ADAM22: variants seen among roughly 807,000 people sequenced by gnomAD.
The protein encoded by ADAM22 is disintegrin and metalloproteinase domain-containing protein 22.
In ADAM22, 65 loss-of-function variants were observed where a neutral mutation model predicts 144.6. The observed-to-expected ratio is 0.45, with a 90% CI of 0.37 to 0.55. The LOEUF (loss-of-function observed/expected upper bound fraction) is 0.55. ADAM22 is among the 20% of genes least tolerant of loss of function. The pLI is 0.00. For synonymous variants in ADAM22, 391 were observed against 412.6 expected, an observed-to-expected ratio of 0.95 and a Z score of 0.63; for missense variants, 974 against 1,184.9, an observed-to-expected ratio of 0.82 and a Z score of 2.61.
At position 88,170,229 on chromosome 7, in the gene ADAM22, A is replaced by T. The variant is rs532830433; in HGVS notation, c.2283-1315A>T. Among the ~76,000 whole-genome samples, 8 of 152,176 alleles carry T rather than the reference A, an allele frequency of 5.3e-5. 1 individual carries two copies. In the South Asian group the frequency reaches 1.4e-3, roughly 28 times the overall value. On this transcript the variant is annotated intron_variant, in intron 25 of 31. Coordinates refer to ENST00000413139, the MANE Select transcript of ADAM22 (RefSeq NM_001324418.2). ...TCTTCTTTATAAATAACTAGCCCAA[A>T]TAGCTAAAGTTTTAATGTTTCTAAA...
intron 2 of ADAM22, among the ~76,000 whole-genome samples, chr7:87,959,101 G>A (rs1847464765): frequency 6.6e-6 from 1 of 151,520 alleles, no homozygotes; most frequent in Non-Finnish European, 1.5e-5. Flanking sequence ...AATCTCAAAT[G>A]TAGTTTTTTT....
At chr7:87,948,024 A>G (rs1401804230) in intron 2 of ADAM22, among the ~76,000 whole-genome samples, 1 of 152,008 alleles carries the variant, frequency 6.6e-6, no homozygotes, top group Admixed American at 6.6e-5. Context: ...TTTTCCCTGG[A>G]CAATTGTTTC....
At chr7:88,180,413 A>G (rs995030529) in intron 27 of ADAM22, among the ~76,000 whole-genome samples, 2 of 152,080 alleles carry the variant, frequency 1.3e-5, no homozygotes, top group Admixed American at 1.3e-4. Flanking sequence ...TGTACAAAAT[A>G]TGAGTCATTC....
At chr7:88,078,205 T>C (rs1199251573) in intron 4 of ADAM22, among the ~76,000 whole-genome samples, 1 of 152,172 alleles carries the variant, frequency 6.6e-6, no homozygotes, top group Non-Finnish European at 1.5e-5. Flanking sequence ...ATATCCACTT[T>C]TCTGCAGCCA....
chr7:87,975,158 T>C (rs1264239458), intron 2 of ADAM22, among the ~76,000 whole-genome samples: 2 of 152,202 alleles, frequency 1.3e-5, no homozygotes, highest in Non-Finnish European at 2.9e-5. Context: ...TGTTGTTACC[T>C]GGATATTACC....
chr7:88,163,328 T>A, intron 23 of ADAM22, 148 bp downstream of exon 23: 1 of 619,404 alleles, frequency 1.6e-6, no homozygotes, highest in Non-Finnish European at 2.5e-6. Flanking sequence ...TTATAGTTAT[T>A]TGAATATTTC....
At position 88,113,703 on chromosome 7, in the gene ADAM22, A is replaced by AATAAATAAATAAAT. The variant is rs1554478726; in HGVS notation, c.474-878_474-877insAATAAATAAATATA. Among the ~76,000 whole-genome samples, 93 of 48,088 alleles carry AATAAATAAATAAAT rather than the reference A, an allele frequency of 1.9e-3. 2 individuals are homozygous for AATAAATAAATAAAT. The highest frequency in any genetic ancestry group is 0.014 in the East Asian group (10 of 714). The allele number at this position is 48,088 out of a possible 152,430, so 31.5% of individuals were successfully genotyped here. A position where few individuals can be genotyped will look rare whatever the true frequency, so the allele number is the denominator to read the frequency against. On this transcript the variant is annotated intron_variant, in intron 5 of 31. Coordinates refer to ENST00000413139, the MANE Select transcript of ADAM22 (RefSeq NM_001324418.2). Reference sequence around the variant, plus strand: ...TATATATATTATAAATAAATAAATAAATATATATATATATATATATATATA... The same window carrying AATAAATAAATAAAT: ...TATATATATTATAAATAAATAAATAAATAAATAAATAAATATATATATATATATATATATATATA...
At chr7:87,965,954 C>T (rs1364164122) in intron 2 of ADAM22, among the ~76,000 whole-genome samples, 2 of 152,214 alleles carry the variant, frequency 1.3e-5, no homozygotes, top group Non-Finnish European at 2.9e-5. Context: ...TTCCTCTTCT[C>T]TGCTTTTTAC....
At chr7:88,050,282 C>T (rs1045584919) in intron 3 of ADAM22, among the ~76,000 whole-genome samples, 1 of 150,260 alleles carries the variant, frequency 6.7e-6, no homozygotes, top group Non-Finnish European at 1.5e-5. Flanking sequence ...AGTCCCAGCT[C>T]CTCAGAAAAC....
intron 15 of ADAM22, among the ~76,000 whole-genome samples, chr7:88,144,515 T>C (rs1292291145): frequency 6.6e-6 from 1 of 152,162 alleles, no homozygotes; most frequent in Non-Finnish European, 1.5e-5. Context: ...AGTCGATCAA[T>C]GGATATACTA....
At chr7:88,181,484 T>C in intron 27 of ADAM22, 21 bp from the exon 28 acceptor site, 1 of 1,602,312 alleles carries the variant, frequency 6.2e-7, no homozygotes, top group Non-Finnish European at 8.5e-7. Context: ...TTGAACAATT[T>C]ATCAATATTT....
At chr7:88,126,317 G>A (rs1232240787) in intron 8 of ADAM22, among the ~76,000 whole-genome samples, 1 of 152,026 alleles carries the variant, frequency 6.6e-6, no homozygotes, top group African/African-American at 2.4e-5. Flanking sequence ...GTGGCCATCA[G>A]AATCAAGATA....
rs1254440117 is a variant in ADAM22, at chr7:88,085,054, T to G, written c.390+9362T>G. Among the ~76,000 whole-genome samples, 3 of 152,180 alleles carry G rather than the reference T, an allele frequency of 2.0e-5. No homozygotes were observed. The East Asian group carries it at 5.8e-4, about 29-fold the overall frequency. On this transcript the variant is annotated intron_variant, in intron 4 of 31. Coordinates refer to ENST00000413139, the MANE Select transcript of ADAM22 (RefSeq NM_001324418.2). ...ACCCTGTTTTAACTGCGTTACCTCT[T>G]TAGAGACCCTGTCTCTACATACAGT...
intron 2 of ADAM22, among the ~76,000 whole-genome samples, chr7:87,965,992 A>G (rs1476381073): frequency 6.6e-6 from 1 of 152,198 alleles, no homozygotes; most frequent in Non-Finnish European, 1.5e-5. Flanking sequence ...AGTCTCTGCA[A>G]TGAGCTTTTA....
At chr7:87,996,909 G>C (rs1791371016) in intron 3 of ADAM22, among the ~76,000 whole-genome samples, 1 of 152,180 alleles carries the variant, frequency 6.6e-6, no homozygotes, top group Non-Finnish European at 1.5e-5. Flanking sequence ...TTATTGGGTA[G>C]TTGGCAGGTT....
intron 5 of ADAM22, among the ~76,000 whole-genome samples, chr7:88,114,152 G>T (rs774097194): frequency 6.6e-6 from 1 of 152,080 alleles, no homozygotes; most frequent in Non-Finnish European, 1.5e-5. Context: ...TAGGTCGGGC[G>T]TTCTCAGTAT....
chr7:88,193,078 A>C, intron 30 of ADAM22, 38 bp from the exon 31 acceptor site: 1 of 1,612,292 alleles, frequency 6.2e-7, no homozygotes, highest in Non-Finnish European at 8.5e-7. Flanking sequence ...AATGTTAGGC[A>C]ATCACATGAT....
intron 3 of ADAM22, among the ~76,000 whole-genome samples, chr7:88,001,173 T>A (rs1005127559): frequency 1.3e-5 from 2 of 152,228 alleles, no homozygotes; most frequent in Non-Finnish European, 1.5e-5. Context: ...TTATCCAAAA[T>A]GCTTGGGGAC....
chr7:87,942,373 T>C (rs923472025), intron 2 of ADAM22, among the ~76,000 whole-genome samples: 1 of 152,182 alleles, frequency 6.6e-6, no homozygotes, highest in South Asian at 2.1e-4. Context: ...GTAATACTTA[T>C]CTGTAAAGTC....
Sources: gnomAD v4.1 joint callset for allele counts (sites outside exome capture counted in the v4.1 genomes callset) on GRCh38, gnomAD v4.1.1 for gene constraint, MANE v1.5 for transcripts, NCBI Gene and HGNC (gene_info 2026-07-23, HGNC 2026-07-21) for gene names.